The following SSBP2 variants were observed in gnomAD, a reference collection of about 807,000 sequenced individuals.
The protein encoded by SSBP2 is single stranded DNA binding protein 2, also known as single-stranded DNA-binding protein 2.
A neutral mutation model predicts 61.8 loss-of-function variants in SSBP2; 17 were observed. The observed-to-expected ratio is 0.28, with a 90% confidence interval of 0.19 to 0.41. The LOEUF (loss-of-function observed/expected upper bound fraction) is 0.41. Among genes scored for constraint, SSBP2 ranks in the 10% least tolerant of loss-of-function variants. The pLI is 1.00. For synonymous variants in SSBP2, 139 were observed against 141.3 expected, an observed-to-expected ratio of 0.98 and a Z score of 0.12; for missense variants, 310 against 458.7, an observed-to-expected ratio of 0.68 and a Z score of 2.96.
At chr5:81,645,582 G>A (rs1029343066) in intron 2 of SSBP2, among the ~76,000 whole-genome samples, 5 of 152,242 alleles carry the variant, frequency 3.3e-5, no homozygotes, top group Non-Finnish European at 7.3e-5. Context: ...TCAAGGAAGA[G>A]CAGCCATTAT....
chr5:81,426,575 C>T (rs1373159750), intron 16 of SSBP2, among the ~76,000 whole-genome samples: 1 of 152,180 alleles, frequency 6.6e-6, no homozygotes, highest in African/African-American at 2.4e-5. Context: ...CAGCTGCTCT[C>T]GTTTCTAAAT....
chr5:81,493,427 G>A (rs1217817097), intron 5 of SSBP2, among the ~76,000 whole-genome samples: 1 of 151,750 alleles, frequency 6.6e-6, no homozygotes, highest in Non-Finnish European at 1.5e-5. Flanking sequence ...TGGGACTACA[G>A]GTGTGGTACA....
At chr5:81,441,761 T>C (rs1297560801) in intron 13 of SSBP2, among the ~76,000 whole-genome samples, 1 of 152,210 alleles carries the variant, frequency 6.6e-6, no homozygotes, top group Non-Finnish European at 1.5e-5. Context: ...AGCACGTAGG[T>C]TGGTGTTCAG....
At position 81,610,000 on chromosome 5, in the gene SSBP2, G is replaced by A. The variant is rs114512753; in HGVS notation, c.282+5473C>T. 5.1e-3 allele frequency among the ~76,000 whole-genome samples: 769 copies of A among 152,212 alleles called. 4 individuals are homozygous for A. The highest frequency in any genetic ancestry group is 0.018 in the African/African-American group (728 of 41,532). On this transcript the variant is annotated intron_variant, in intron 4 of 16. Transcript: ENST00000320672. The stretch of plus-strand genomic sequence containing the variant: ...TCATTGCTCAACAAAATTCTTCTCT[G>A]CCCTTCTCACCCTTCAATTGTTAGT...
chr5:81,505,771 T>C (rs1768137211), intron 5 of SSBP2, among the ~76,000 whole-genome samples: 1 of 152,210 alleles, frequency 6.6e-6, no homozygotes, highest in African/African-American at 2.4e-5. Flanking sequence ...CATCTTTGGC[T>C]TGCAGGAGTA....
Position 81,612,331 on chromosome 5 carries a change from A to G in SSBP2, c.282+3142T>C, listed in dbSNP as rs930122829. 4.1e-4 allele frequency among the ~76,000 whole-genome samples: 63 copies of G among 152,244 alleles called. 1 individual carries two copies. The highest frequency in any genetic ancestry group is 1.4e-3 in the African/African-American group (57 of 41,578). On this transcript the variant is annotated intron_variant, in intron 4 of 16. Transcript: ENST00000320672. Reference sequence around the variant, plus strand: ...TGGTAAATTTAAATTTTATTTCATTAAGTTTTTTAGTTTCCCATCTCAGAA... The same window carrying G: ...TGGTAAATTTAAATTTTATTTCATTGAGTTTTTTAGTTTCCCATCTCAGAA...
At chr5:81,737,605 A>AC (rs1180868383) in intron 1 of SSBP2, among the ~76,000 whole-genome samples, 2 of 144,650 alleles carry the variant, frequency 1.4e-5, no homozygotes, top group Non-Finnish European at 3.0e-5. Context: ...ACACGGTGAA[A>AC]CCCCGTCTCT....
chr5:81,493,220 C>CAAAAACATATATATATT (rs1766997233), intron 5 of SSBP2, among the ~76,000 whole-genome samples: 1 of 150,566 alleles, frequency 6.6e-6, no homozygotes, highest in Non-Finnish European at 1.5e-5. Context: ...ATATATATAT[C>CAAAAACATATATATATT]AAAAACATAT....
At position 81,560,159 on chromosome 5, in the gene SSBP2, C is replaced by G. The variant is rs538106866; in HGVS notation, c.283-46442G>C. Among the ~76,000 whole-genome samples, 12 of 152,226 alleles carry G rather than the reference C, an allele frequency of 7.9e-5. No individual in the cohort carries two copies. The South Asian group carries it at 2.5e-3, about 32-fold the overall frequency. On this transcript the variant is annotated intron_variant, in intron 4 of 16. Coordinates refer to ENST00000320672, the MANE Select transcript of SSBP2 (RefSeq NM_012446.5). ...ACGATTAATTGTATAACACTTCTTACTTGGTTAGGAAAAAAAGAGTCATGC... is the reference window on the plus strand; with the variant it reads ...ACGATTAATTGTATAACACTTCTTAGTTGGTTAGGAAAAAAAGAGTCATGC...
intron 5 of SSBP2, among the ~76,000 whole-genome samples, chr5:81,499,574 T>A (rs1767546503): frequency 6.6e-6 from 1 of 152,328 alleles, no homozygotes; most frequent in East Asian, 1.9e-4. Context: ...AAAAATTCGG[T>A]GTGAGGCAAG....
intron 5 of SSBP2, among the ~76,000 whole-genome samples, chr5:81,505,960 C>T (rs1768149017): frequency 6.6e-6 from 1 of 152,206 alleles, no homozygotes; most frequent in Admixed American, 6.5e-5. Context: ...ACACTCCCTT[C>T]TTTGCTCTCT....
At chr5:81,642,541 G>A (rs1471928322) in intron 2 of SSBP2, among the ~76,000 whole-genome samples, 1 of 151,970 alleles carries the variant, frequency 6.6e-6, no homozygotes, top group East Asian at 1.9e-4. Context: ...ATGAACAAAA[G>A]GTATATCAAT....
At chr5:81,492,102 T>C (rs1324842461) in intron 5 of SSBP2, among the ~76,000 whole-genome samples, 2 of 152,234 alleles carry the variant, frequency 1.3e-5, no homozygotes, top group East Asian at 3.8e-4. Flanking sequence ...TTAATTATTT[T>C]ATGGTAAAAT....
chr5:81,507,655 T>C lies in SSBP2; in HGVS notation c.372+5973A>G, dbSNP rs1316614899. ...TTAGAGTGATAAGGAAGTTATAGTT[T>C]CCTTCTTAAAAGCTTTCTTGTGGTA... On this transcript the variant is annotated intron_variant, in intron 5 of 16. Coordinates refer to ENST00000320672, the MANE Select transcript of SSBP2 (RefSeq NM_012446.5). Among the ~76,000 whole-genome samples the C allele has an allele frequency of 2.6e-5, 4 of 152,232 alleles. No homozygotes were observed. The East Asian group carries it at 7.7e-4, about 29-fold the overall frequency.
At chr5:81,593,789 A>G (rs191308810) in intron 4 of SSBP2, among the ~76,000 whole-genome samples, 48 of 152,260 alleles carry the variant, frequency 3.2e-4, no homozygotes, top group East Asian at 1.5e-3. Flanking sequence ...ACAAGCAAAT[A>G]CTGAGAGATT....
chr5:81,706,563 G>A (rs1048830431), intron 1 of SSBP2, among the ~76,000 whole-genome samples: 7 of 151,966 alleles, frequency 4.6e-5, no homozygotes, highest in African/African-American at 1.2e-4. Context: ...TACATATAAG[G>A]GATCTGGTTA....
intron 4 of SSBP2, among the ~76,000 whole-genome samples, chr5:81,552,622 A>G (rs1249668595): frequency 1.3e-5 from 2 of 150,942 alleles, no homozygotes; most frequent in East Asian, 3.9e-4. Flanking sequence ...TGGGCAACAG[A>G]GCAAGACTAT....
intron 1 of SSBP2, among the ~76,000 whole-genome samples, chr5:81,659,043 AC>A (rs1750466951): frequency 6.6e-6 from 1 of 152,166 alleles, no homozygotes; most frequent in Non-Finnish European, 1.5e-5. Flanking sequence ...TTTATGACAA[AC>A]CCATAGCCAA....
intron 4 of SSBP2, among the ~76,000 whole-genome samples, chr5:81,519,989 CTTTTTTT>C (rs889340422): frequency 3.5e-5 from 5 of 143,462 alleles, no homozygotes; most frequent in African/African-American, 1.0e-4. Flanking sequence ...TTTCCCCCCT[CTTTTTTT>C]TTTTTTGAGA....
Sources: allele counts gnomAD v4.1 joint callset (sites outside exome capture counted in the v4.1 genomes callset), GRCh38; gene constraint gnomAD v4.1.1; transcripts MANE v1.5; gene names NCBI Gene and HGNC (gene_info 2026-07-23, HGNC 2026-07-21).